Variants in BNC2 observed in about 807,000 individuals in gnomAD.
The protein encoded by BNC2 is basonuclin zinc finger protein 2, also known as zinc finger protein basonuclin-2.
BNC2 carries 20 observed loss-of-function variants against 76.3 expected under a neutral mutation model. The observed-to-expected ratio is 0.26, with a 90% CI of 0.18 to 0.38. The LOEUF (loss-of-function observed/expected upper bound fraction) is 0.38, where lower values mean the gene tolerates loss of function less well. Ranked by LOEUF, BNC2 falls within the 10% of genes least tolerant of loss-of-function variation. The probability of loss-of-function intolerance (pLI) is 1.00; values close to 1 mark genes in which losing one functional copy is unlikely to be tolerated. For missense variants in BNC2, 1,382 were observed against 1,399.8 expected (o/e 0.99, Z 0.20); for synonymous variants, 582 against 514.8 (o/e 1.13, Z -1.77).
intron 2 of BNC2, among the ~76,000 whole-genome samples, chr9:16,730,121 A>G (rs1824464433): frequency 6.6e-6 from 1 of 151,728 alleles, no homozygotes; most frequent in Admixed American, 6.6e-5. Flanking sequence ...CACACTAACA[A>G]CACAAAAATC....
chr9:16,456,580 G>A (rs991746918), intron 5 of BNC2, among the ~76,000 whole-genome samples: 3 of 151,382 alleles, frequency 2.0e-5, no homozygotes, highest in African/African-American at 4.9e-5. Context: ...AGAGCAGCAG[G>A]TAAAGTCACT....
At chr9:16,676,683 AT>A (rs2134238571) in intron 3 of BNC2, among the ~76,000 whole-genome samples, 1 of 152,358 alleles carries the variant, frequency 6.6e-6, no homozygotes, top group South Asian at 2.1e-4. Context: ...GAATTCACAA[AT>A]TTAATGCTGC....
intron 4 of BNC2, chr9:16,575,335 G>A: frequency 1.0e-6 from 1 of 985,372 alleles, no homozygotes; most frequent in Non-Finnish European, 1.2e-6. Context: ...CTCCTTACCA[G>A]CAGACCAGCA....
chr9:16,689,646 A>T (rs911388169), intron 3 of BNC2, among the ~76,000 whole-genome samples: 4 of 142,838 alleles, frequency 2.8e-5, no homozygotes, highest in East Asian at 4.0e-4. Context: ...ATGTAAGTTT[A>T]AAAAAAAAAA....
intron 1 of BNC2, among the ~76,000 whole-genome samples, chr9:16,858,051 T>C (rs945271933): frequency 2.0e-5 from 3 of 152,344 alleles, no homozygotes; most frequent in Non-Finnish European, 4.4e-5. Context: ...GTTATTTATA[T>C]AAAACTTCAC....
intron 1 of BNC2, among the ~76,000 whole-genome samples, chr9:16,779,967 T>C (rs541473981): frequency 6.6e-6 from 1 of 152,324 alleles, no homozygotes; most frequent in Admixed American, 6.5e-5. Context: ...CCGGGCGTGG[T>C]GGCTCACGCC....
rs999345771 is a variant in BNC2 at position 16,431,133 on chromosome 9, T to C, written c.2639+4422A>G. The stretch of plus-strand genomic sequence containing the variant: ...ATGACTTCTTACTATACAGATCATC[T>C]AGTTTCTGAGTACAAAGTCTTCATT... On this transcript the variant is annotated intron_variant, in intron 6 of 6. Transcript: ENST00000380672. 4.8e-4 allele frequency among the ~76,000 whole-genome samples: 73 copies of C among 152,226 alleles called. 5 individuals carry two copies.
intron 5 of BNC2, among the ~76,000 whole-genome samples, chr9:16,538,596 T>A (rs1304825407): frequency 4.6e-5 from 7 of 152,194 alleles, no homozygotes; most frequent in African/African-American, 1.7e-4. Flanking sequence ...TTTTAAGGAA[T>A]GGGAAGGAAA....
chr9:16,590,196 T>A (rs779779395), intron 3 of BNC2, among the ~76,000 whole-genome samples: 9 of 152,152 alleles, frequency 5.9e-5, no homozygotes, highest in South Asian at 2.1e-4. Context: ...AATTTTTTTT[T>A]AATTTTTCTT....
At chr9:16,796,516 A>T (rs773260906) in intron 1 of BNC2, among the ~76,000 whole-genome samples, 1 of 151,694 alleles carries the variant, frequency 6.6e-6, no homozygotes, top group Non-Finnish European at 1.5e-5. Context: ...AGCTTGCAGT[A>T]AGCCGAGATC....
At chr9:16,561,706 T>C (rs566978067) in intron 4 of BNC2, among the ~76,000 whole-genome samples, 2 of 152,274 alleles carry the variant, frequency 1.3e-5, no homozygotes, top group South Asian at 2.1e-4. Context: ...AATTTGATTA[T>C]TAAAAGAATT....
At chr9:16,481,009 T>C (rs1822041594) in intron 5 of BNC2, among the ~76,000 whole-genome samples, 1 of 152,142 alleles carries the variant, frequency 6.6e-6, no homozygotes, top group African/African-American at 2.4e-5. Context: ...TATGTCTAGC[T>C]CAGGGATTGT....
intron 3 of BNC2, among the ~76,000 whole-genome samples, chr9:16,677,544 G>T (rs1822684007): frequency 1.4e-5 from 2 of 146,708 alleles, no homozygotes; most frequent in South Asian, 4.3e-4. Context: ...CTGCACTCCA[G>T]CCCGGGGGAC....
intron 3 of BNC2, among the ~76,000 whole-genome samples, chr9:16,646,810 A>G (rs926308125): frequency 1.2e-4 from 19 of 152,168 alleles, no homozygotes; most frequent in Non-Finnish European, 2.6e-4. Context: ...GGATGCAAAA[A>G]TAGAAGAAAA....
chr9:16,676,587 T>C (rs755085004), intron 3 of BNC2, among the ~76,000 whole-genome samples: 3 of 152,236 alleles, frequency 2.0e-5, no homozygotes, highest in Non-Finnish European at 4.4e-5. Context: ...TGAGAGAGAA[T>C]GCAGAAATGT....
intron 6 of BNC2, among the ~76,000 whole-genome samples, chr9:16,428,300 CAG>C (rs1012529833): frequency 1.3e-5 from 2 of 152,184 alleles, no homozygotes; most frequent in Admixed American, 1.3e-4. Flanking sequence ...AAAAAGGCAG[CAG>C]AGTTAGAGCG....
chr9:16,808,090 T>C (rs928861935), intron 1 of BNC2, among the ~76,000 whole-genome samples: 1 of 152,182 alleles, frequency 6.6e-6, no homozygotes, highest in Non-Finnish European at 1.5e-5. Context: ...ATTAAAAATG[T>C]GTAACTCACC....
At chr9:16,769,980 T>C (rs1010150464) in intron 1 of BNC2, among the ~76,000 whole-genome samples, 6 of 152,100 alleles carry the variant, frequency 3.9e-5, no homozygotes, top group African/African-American at 1.4e-4. Flanking sequence ...ACAAACCCTA[T>C]GGGGAGGAGA....
intron 3 of BNC2, among the ~76,000 whole-genome samples, chr9:16,604,425 T>C (rs535157840): frequency 6.6e-6 from 1 of 152,336 alleles, no homozygotes; most frequent in South Asian, 2.1e-4. Context: ...CCTTTTCAAT[T>C]AGAAAGATCT....
Sources: allele counts gnomAD v4.1 joint callset (sites outside exome capture counted in the v4.1 genomes callset), GRCh38; gene constraint gnomAD v4.1.1; transcripts MANE v1.5; gene names NCBI Gene and HGNC (gene_info 2026-07-23, HGNC 2026-07-21).